Variants in HERPUD2 observed in about 807,000 individuals in gnomAD.
HERPUD2 encodes the protein HERPUD family member 2, also known as homocysteine-responsive endoplasmic reticulum-resident ubiquitin-like domain member 2 protein.
A neutral mutation model predicts 49.9 loss-of-function variants in HERPUD2; 13 were observed. The ratio of observed to expected loss-of-function variants is 0.26; its 90% CI spans 0.17 to 0.41. HERPUD2 has a LOEUF of 0.41. Ranked by LOEUF, HERPUD2 falls within the 10% of genes least tolerant of loss-of-function variation. The probability of loss-of-function intolerance (pLI) is 1.00; values close to 1 mark genes in which losing one functional copy is unlikely to be tolerated. For synonymous variants in HERPUD2, 172 were observed against 171.4 expected (o/e 1.00, Z -0.03); for missense variants, 449 against 492.2 (o/e 0.91, Z 0.83).
chr7:35,649,570 A>G (rs975535960), intron 5 of HERPUD2, among the ~76,000 whole-genome samples: 1 of 152,148 alleles, frequency 6.6e-6, no homozygotes, highest in Admixed American at 6.5e-5. Context: ...CATTTTAGGG[A>G]GACATGGGAC....
At chr7:35,678,513 C>T (rs905042360) in intron 2 of HERPUD2, among the ~76,000 whole-genome samples, 8 of 152,108 alleles carry the variant, frequency 5.3e-5, no homozygotes, top group African/African-American at 1.9e-4. Context: ...GTTGGCCAGG[C>T]TGGTCTCAAA....
intron 5 of HERPUD2, among the ~76,000 whole-genome samples, chr7:35,643,997 G>A (rs543789165): frequency 4.7e-4 from 71 of 151,944 alleles, no homozygotes; most frequent in East Asian, 7.7e-4. Flanking sequence ...TTACAAAAGC[G>A]GAAATAGTAC....
At chr7:35,652,451 C>G (rs1785186774) in intron 5 of HERPUD2, among the ~76,000 whole-genome samples, 2 of 152,052 alleles carry the variant, frequency 1.3e-5, no homozygotes, top group African/African-American at 4.8e-5. Flanking sequence ...AGAGAGAATT[C>G]TAAAAACAGC....
intron 5 of HERPUD2, among the ~76,000 whole-genome samples, chr7:35,645,968 A>C (rs1020023919): frequency 6.6e-6 from 1 of 152,208 alleles, no homozygotes; most frequent in Non-Finnish European, 1.5e-5. Context: ...CTTAGAAAAT[A>C]ATTTTAAAAA....
intron 5 of HERPUD2, 109 bp from the exon 6 acceptor site, chr7:35,638,581 C>A: frequency 1.8e-6 from 2 of 1,091,666 alleles, no homozygotes; most frequent in South Asian, 1.9e-5. Flanking sequence ...ATATTTAAAT[C>A]TCACTGAAAA....
At chr7:35,683,073 C>G (rs1273718862) in intron 2 of HERPUD2, among the ~76,000 whole-genome samples, 1 of 151,982 alleles carries the variant, frequency 6.6e-6, no homozygotes, top group East Asian at 1.9e-4. Context: ...AAAAAAAATT[C>G]TAAAATTCAT....
chr7:35,651,586 C>A lies in HERPUD2; in HGVS notation c.495-13114G>T, dbSNP rs538977576. Among the ~76,000 whole-genome samples, 23 of 152,124 alleles carry A rather than the reference C, an allele frequency of 1.5e-4. No homozygotes were observed. The Middle Eastern group carries it at 0.014, about 90-fold the overall frequency. ...ATAGACCCATCTTTAGGAAAAAGTG[C>A]CCCCACTACAAAAGCAAATGCAAAA... On this transcript the variant is annotated intron_variant, in intron 5 of 8. Coordinates refer to ENST00000311350, the MANE Select transcript of HERPUD2 (RefSeq NM_022373.5).
chr7:35,659,842 T>A (rs928853141), intron 5 of HERPUD2, among the ~76,000 whole-genome samples: 2 of 152,204 alleles, frequency 1.3e-5, no homozygotes, highest in African/African-American at 4.8e-5. Context: ...TTCTTTTTTT[T>A]CTTTTTTCCT....
intron 6 of HERPUD2, among the ~76,000 whole-genome samples, chr7:35,636,229 A>T (rs1390343423): frequency 6.6e-6 from 1 of 152,218 alleles, no homozygotes; most frequent in Non-Finnish European, 1.5e-5. Flanking sequence ...GTACACATGG[A>T]TTCCTTTTAC....
intron 5 of HERPUD2, among the ~76,000 whole-genome samples, chr7:35,666,109 T>G (rs1425437747): frequency 6.6e-6 from 1 of 152,228 alleles, no homozygotes; most frequent in Admixed American, 6.5e-5. Flanking sequence ...GGAAGTGAAT[T>G]ACTGTCATAA....
At position 35,635,320 on chromosome 7, in the gene HERPUD2, G is replaced by A. The variant is rs769023436; in HGVS notation, c.756C>T (p.Pro252=). The change falls in exon 7 of 9, where the codon CCC becomes CCT. Residue 252 remains proline, a synonymous_variant. Transcript: ENST00000311350. ...CATTCATTTGAACATTCTCATTCAT[G>A]GGTCGATTTTCTTGGGCCACTAGGT... The part of the protein sequence containing the change: ...APNLVAQENR[P]MNENVQMNAQ... The A allele has an allele frequency of 5.0e-6, 8 of 1,613,952 alleles. No individual in the cohort carries two copies. Among genetic ancestry groups the A allele is most frequent in the Middle Eastern group, 1.6e-4 (1 of 6,084 alleles).
In HERPUD2 at chr7:35,633,404, A is replaced by G. The variant is rs1462206116; in HGVS notation, c.*286T>C. The G allele has an allele frequency of 5.4e-6, 1 of 183,570 alleles. No individual in the cohort carries two copies. Among genetic ancestry groups the G allele is most frequent in the Non-Finnish European group, 1.1e-5 (1 of 88,950 alleles). The allele number at this position is 183,570 out of a possible 1,614,324, so 11.4% of individuals were successfully genotyped here. ...CTCTTTAAAGAAATAAGACATGAAA[A>G]TAGGTCTGTCCTGGTATACTACACA... On this transcript the variant is annotated 3_prime_UTR_variant, in exon 9 of 9. Coordinates refer to ENST00000311350, the MANE Select transcript of HERPUD2 (RefSeq NM_022373.5).
intron 2 of HERPUD2, among the ~76,000 whole-genome samples, chr7:35,691,729 A>G (rs1342419902): frequency 6.6e-6 from 1 of 152,196 alleles, no homozygotes; most frequent in Non-Finnish European, 1.5e-5. Flanking sequence ...CTTCCTTTAT[A>G]ATATTACTTA....
At chr7:35,673,542 G>A (rs1377491276) in intron 2 of HERPUD2, among the ~76,000 whole-genome samples, 2 of 152,062 alleles carry the variant, frequency 1.3e-5, no homozygotes, top group African/African-American at 2.4e-5. Context: ...GGGGGAACAG[G>A]TAGATAAATT....
At chr7:35,651,666 A>G (rs76562715) in intron 5 of HERPUD2, among the ~76,000 whole-genome samples, 2,620 of 152,292 alleles carry the variant, frequency 0.017, 92 homozygotes, top group East Asian at 0.11. Flanking sequence ...AGGATAGAAG[A>G]AACATGAAAA....
chr7:35,667,547 T>C lies in HERPUD2; in HGVS notation c.381A>G (p.Gln127=). ...HSGSTTPSSG[Q]ETLSLAVGSS... ...AACCCACAGCTAAAGACAAGGTTTC[T>C]TGACCAGATGATGGAGTTGTTGATC... is the stretch of plus-strand genomic sequence containing the variant. The change falls in exon 5 of 9, where the codon CAA becomes CAG. Residue 127 remains glutamine (Q), a synonymous_variant. Transcript: ENST00000311350. The C allele has an allele frequency of 6.2e-7, 1 of 1,613,846 alleles. No homozygotes were observed. Among genetic ancestry groups the C allele is most frequent in the South Asian group, 1.1e-5 (1 of 91,066 alleles).
At chr7:35,681,757 T>A (rs1005911566) in intron 2 of HERPUD2, among the ~76,000 whole-genome samples, 1 of 152,016 alleles carries the variant, frequency 6.6e-6, no homozygotes, top group Admixed American at 6.6e-5. Flanking sequence ...ATTCTTTTTA[T>A]ATGAAATGTC....
chr7:35,688,930 C>A (rs112049141), intron 2 of HERPUD2, among the ~76,000 whole-genome samples: 192 of 151,722 alleles, frequency 1.3e-3, no homozygotes, highest in African/African-American at 4.6e-3. Context: ...TAATTATAAA[C>A]CTTACATCAT....
At chr7:35,686,010 CAT>C (rs1232331066) in intron 2 of HERPUD2, among the ~76,000 whole-genome samples, 1 of 151,474 alleles carries the variant, frequency 6.6e-6, no homozygotes, top group Non-Finnish European at 1.5e-5. Flanking sequence ...TCAGGAAAAT[CAT>C]GTGTTAGACC....
Sources: gnomAD v4.1 joint callset for allele counts (sites outside exome capture counted in the v4.1 genomes callset) on GRCh38, gnomAD v4.1.1 for gene constraint, MANE v1.5 for transcripts, NCBI Gene and HGNC (gene_info 2026-07-23, HGNC 2026-07-21) for gene names.